The following DCC variants were observed in gnomAD, a reference collection of about 807,000 sequenced individuals.
DCC encodes the protein DCC netrin 1 receptor, also known as netrin receptor DCC.
In DCC, 58 loss-of-function variants were observed where a neutral mutation model predicts 172.5. The ratio of observed to expected loss-of-function variants is 0.34; its 90% CI spans 0.27 to 0.42. The LOEUF (loss-of-function observed/expected upper bound fraction) is 0.42. Ranked by LOEUF, DCC falls within the 10% of genes least tolerant of loss-of-function variation. The pLI is 1.00. For missense variants in DCC, 1,740 were observed against 1,791.0 expected (o/e 0.97, Z 0.51); for synonymous variants, 709 against 644.5 (o/e 1.10, Z -1.52).
chr18:53,139,203 C>G (rs550960948), intron 7 of DCC, among the ~76,000 whole-genome samples: 1 of 152,198 alleles, frequency 6.6e-6, no homozygotes, highest in East Asian at 1.9e-4. Context: ...CATTACTGGC[C>G]AATGTTTGTG....
intron 2 of DCC, among the ~76,000 whole-genome samples, chr18:52,872,577 A>C (rs1039717662): frequency 5.9e-5 from 9 of 152,184 alleles, no homozygotes; most frequent in African/African-American, 2.2e-4. Context: ...TCTGATGCCA[A>C]ATCACTTTAT....
At chr18:53,122,396 C>G (rs914663010) in intron 7 of DCC, among the ~76,000 whole-genome samples, 1 of 151,920 alleles carries the variant, frequency 6.6e-6, no homozygotes, top group South Asian at 2.1e-4. Flanking sequence ...AAAGGGGAAC[C>G]AGAATTTATG....
intron 12 of DCC, among the ~76,000 whole-genome samples, chr18:53,234,944 C>A (rs2056179743): frequency 6.6e-6 from 1 of 152,188 alleles, no homozygotes; most frequent in Non-Finnish European, 1.5e-5. Flanking sequence ...TTACACAAGA[C>A]AAATATGTGT....
At chr18:53,083,021 A>AT (rs5824989) in intron 7 of DCC, among the ~76,000 whole-genome samples, 34 of 150,480 alleles carry the variant, frequency 2.3e-4, no homozygotes, top group Admixed American at 1.6e-3. Context: ...TTCTAAGGTC[A>AT]TTTTTTTTTT....
intron 2 of DCC, among the ~76,000 whole-genome samples, chr18:52,791,531 G>A (rs1212093191): frequency 6.6e-6 from 1 of 151,702 alleles, no homozygotes; most frequent in South Asian, 2.1e-4. Flanking sequence ...AACCGTGGCT[G>A]CAGGCATGAC....
At chr18:53,244,612 C>T (rs1042579668) in intron 12 of DCC, among the ~76,000 whole-genome samples, 50 of 152,000 alleles carry the variant, frequency 3.3e-4, no homozygotes, top group Admixed American at 1.3e-4. Flanking sequence ...TTGGCTTTGT[C>T]GGGAACTCAT....
intron 7 of DCC, among the ~76,000 whole-genome samples, chr18:53,087,637 T>A (rs1262970664): frequency 5.3e-5 from 8 of 152,192 alleles, no homozygotes; most frequent in Admixed American, 4.6e-4. Flanking sequence ...TTGGCTTTTG[T>A]TGCCATTGTT....
At chr18:53,397,924 G>T (rs546959576) in intron 18 of DCC, among the ~76,000 whole-genome samples, 2 of 152,266 alleles carry the variant, frequency 1.3e-5, no homozygotes, top group Admixed American at 1.3e-4. Context: ...TTTCCAGGTG[G>T]TTTTGTTCAC....
At chr18:52,547,719 A>G (rs1044384522) in intron 1 of DCC, among the ~76,000 whole-genome samples, 8 of 152,170 alleles carry the variant, frequency 5.3e-5, no homozygotes, top group African/African-American at 1.9e-4. Flanking sequence ...AAGAGGGGGC[A>G]TGTTAAGGTG....
In DCC at chr18:53,154,956, C is replaced by T. The variant is rs188540575; in HGVS notation, c.1262-2400C>T. On this transcript the variant is annotated intron_variant, in intron 7 of 28. Transcript: ENST00000442544. Reference sequence around the variant, plus strand: ...GCATCAATCTTTTCCTCTCCCTCACCACTCTGCTATAAAAGATTGACTAAC... The same window carrying T: ...GCATCAATCTTTTCCTCTCCCTCACTACTCTGCTATAAAAGATTGACTAAC... Among the ~76,000 whole-genome samples, 9 of 152,266 alleles carry T rather than the reference C, an allele frequency of 5.9e-5. No homozygotes were observed. The East Asian group carries it at 1.2e-3, about 20-fold the overall frequency.
intron 7 of DCC, among the ~76,000 whole-genome samples, chr18:53,085,969 T>G (rs1169434167): frequency 1.8e-4 from 12 of 66,634 alleles, no homozygotes; most frequent in Non-Finnish European, 2.5e-4. Context: ...CTTCTTCTTC[T>G]TCTTCTTCTT....
intron 5 of DCC, among the ~76,000 whole-genome samples, chr18:53,028,645 A>G (rs553745841): frequency 6.6e-6 from 1 of 152,266 alleles, no homozygotes; most frequent in Non-Finnish European, 1.5e-5. Flanking sequence ...CTGTTTAAAC[A>G]TTTCTCATTG....
chr18:52,390,156 G>T (rs1315159847), intron 1 of DCC, among the ~76,000 whole-genome samples: 1 of 152,088 alleles, frequency 6.6e-6, no homozygotes, highest in Non-Finnish European at 1.5e-5. Flanking sequence ...TTCCCTCTAT[G>T]AGGATCCTGT....
intron 5 of DCC, among the ~76,000 whole-genome samples, chr18:52,969,873 G>A (rs2041001536): frequency 1.3e-5 from 2 of 151,928 alleles, no homozygotes; most frequent in South Asian, 4.1e-4. Flanking sequence ...GTGTGTAGCA[G>A]GTATTCAATA....
At chr18:52,389,146 T>C (rs1205791336) in intron 1 of DCC, among the ~76,000 whole-genome samples, 2 of 152,102 alleles carry the variant, frequency 1.3e-5, no homozygotes, top group African/African-American at 4.8e-5. Flanking sequence ...TTTCATCTTG[T>C]CGATGAGTTC....
chr18:53,459,179 G>C (rs2045518586), intron 23 of DCC, 53 bp from the exon 24 acceptor site: 1 of 1,339,484 alleles, frequency 7.5e-7, no homozygotes, highest in African/African-American at 1.4e-5. Context: ...TGAAAGAAAG[G>C]AAGTGCCATT....
intron 1 of DCC, among the ~76,000 whole-genome samples, chr18:52,526,169 T>G (rs537260665): frequency 1.3e-5 from 2 of 152,314 alleles, no homozygotes; most frequent in South Asian, 2.1e-4. Context: ...GTTTGAGGAT[T>G]TAGTAAACCT....
chr18:53,169,660 T>G (rs1235743757), intron 8 of DCC, among the ~76,000 whole-genome samples: 1 of 152,136 alleles, frequency 6.6e-6, no homozygotes, highest in Non-Finnish European at 1.5e-5. Context: ...TGTCTTCAGA[T>G]TCACAGGAGA....
At chr18:52,498,003 G>A (rs548641330) in intron 1 of DCC, among the ~76,000 whole-genome samples, 1 of 152,274 alleles carries the variant, frequency 6.6e-6, no homozygotes, top group East Asian at 1.9e-4. Flanking sequence ...CAGCTTTATT[G>A]TGCAAACAGC....
Sources: gnomAD v4.1 joint callset for allele counts (sites outside exome capture counted in the v4.1 genomes callset) on GRCh38, gnomAD v4.1.1 for gene constraint, MANE v1.5 for transcripts, NCBI Gene and HGNC (gene_info 2026-07-23, HGNC 2026-07-21) for gene names.